KCNQ5: variants seen among roughly 807,000 people sequenced by gnomAD.
KCNQ5 encodes the protein potassium voltage-gated channel subfamily KQT member 5.
A neutral mutation model predicts 98.2 loss-of-function variants in KCNQ5; 30 were observed. The ratio of observed to expected loss-of-function variants is 0.31; its 90% CI spans 0.23 to 0.41. The LOEUF (loss-of-function observed/expected upper bound fraction) is 0.41, where lower values mean the gene tolerates loss of function less well. Among genes scored for constraint, KCNQ5 ranks in the 10% least tolerant of loss-of-function variants. The pLI is 1.00. For missense variants in KCNQ5, 835 were observed against 1,182.5 expected, an observed-to-expected ratio of 0.71 and a Z score of 4.31; for synonymous variants, 458 against 449.4, an observed-to-expected ratio of 1.02 and a Z score of -0.24.
intron 5 of KCNQ5, among the ~76,000 whole-genome samples, chr6:73,097,615 C>A (rs1321299866): frequency 6.6e-6 from 1 of 152,130 alleles, no homozygotes; most frequent in Non-Finnish European, 1.5e-5. Flanking sequence ...ATGGTGGCCA[C>A]AAGGCTGCTT....
At chr6:73,025,525 G>T (rs1404492791) in intron 2 of KCNQ5, among the ~76,000 whole-genome samples, 2 of 151,226 alleles carry the variant, frequency 1.3e-5, no homozygotes, top group Non-Finnish European at 2.9e-5. Context: ...TCAGGAGGCT[G>T]AGGCAGGAGA....
intron 1 of KCNQ5, among the ~76,000 whole-genome samples, chr6:72,686,714 GTTGTTTTT>G (rs1767968527): frequency 8.2e-6 from 1 of 121,648 alleles, no homozygotes; most frequent in Admixed American, 9.2e-5. Context: ...ATCTTTATGG[GTTGTTTTT>G]TTTTTTTTTT....
chr6:73,024,262 A>G (rs1286160448), intron 2 of KCNQ5, among the ~76,000 whole-genome samples: 1 of 152,152 alleles, frequency 6.6e-6, no homozygotes, highest in Non-Finnish European at 1.5e-5. Flanking sequence ...CTGCATCATT[A>G]GGACAGAATG....
At chr6:72,797,951 C>T (rs562130062) in intron 1 of KCNQ5, among the ~76,000 whole-genome samples, 3 of 152,178 alleles carry the variant, frequency 2.0e-5, no homozygotes, top group Admixed American at 1.3e-4. Context: ...AGATGCTAAA[C>T]CAGTCACTGA....
At chr6:72,926,804 A>T (rs1765444718) in intron 1 of KCNQ5, among the ~76,000 whole-genome samples, 1 of 152,164 alleles carries the variant, frequency 6.6e-6, no homozygotes, top group African/African-American at 2.4e-5. Flanking sequence ...GTTTATGTTT[A>T]TTTGATAATA....
intron 1 of KCNQ5, among the ~76,000 whole-genome samples, chr6:72,819,151 T>A (rs1295138087): frequency 6.6e-6 from 1 of 152,006 alleles, no homozygotes; most frequent in Non-Finnish European, 1.5e-5. Flanking sequence ...TTTAATTTTT[T>A]AATTATTTTT....
chr6:72,735,073 T>A (rs971065181), intron 1 of KCNQ5, among the ~76,000 whole-genome samples: 1 of 152,314 alleles, frequency 6.6e-6, no homozygotes, highest in Admixed American at 6.5e-5. Context: ...TTGTGGATAG[T>A]TTAGCAAATA....
intron 1 of KCNQ5, among the ~76,000 whole-genome samples, chr6:72,917,959 T>C (rs72943363): frequency 0.02 from 3,030 of 152,270 alleles, 47 homozygotes; most frequent in South Asian, 0.038. Context: ...TCTTGTAGGA[T>C]GTTTAGCAGC....
At chr6:72,823,020 A>G (rs1048937808) in intron 1 of KCNQ5, among the ~76,000 whole-genome samples, 1 of 152,094 alleles carries the variant, frequency 6.6e-6, no homozygotes, top group South Asian at 2.1e-4. Context: ...CCTTGATCAT[A>G]TAGGATAATC....
chr6:72,813,087 T>C (rs1775322637), intron 1 of KCNQ5, among the ~76,000 whole-genome samples: 1 of 152,204 alleles, frequency 6.6e-6, no homozygotes, highest in East Asian at 1.9e-4. Context: ...ATGCCCCACC[T>C]AGAAATGCTG....
chr6:72,923,005 T>C (rs139525975), intron 1 of KCNQ5, among the ~76,000 whole-genome samples: 2 of 151,976 alleles, frequency 1.3e-5, no homozygotes, highest in African/African-American at 4.8e-5. Context: ...AGAGACGGGG[T>C]TCCACCATGT....
At chr6:73,170,420 CCACACACACACA>C (rs57867720) in intron 11 of KCNQ5, among the ~76,000 whole-genome samples, 97 of 140,922 alleles carry the variant, frequency 6.9e-4, no homozygotes, top group African/African-American at 1.6e-3. Flanking sequence ...ACCTTTCCCA[CCACACACACACA>C]CACACACACA....
At chr6:72,957,667 G>A (rs1767151204) in intron 1 of KCNQ5, among the ~76,000 whole-genome samples, 1 of 152,024 alleles carries the variant, frequency 6.6e-6, no homozygotes. Flanking sequence ...TGTTTTCATC[G>A]AAATGCTAAT....
At chr6:72,992,933 G>T (rs1769114487) in intron 1 of KCNQ5, among the ~76,000 whole-genome samples, 1 of 17,096 alleles carries the variant, frequency 5.8e-5, no homozygotes, top group Non-Finnish European at 9.5e-5. Flanking sequence ...TAGTTTGGCT[G>T]GATATGAAAT....
At chr6:73,043,330 A>C (rs940472807) in intron 3 of KCNQ5, 20 of 177,628 alleles carry the variant, frequency 1.1e-4, no homozygotes, top group Non-Finnish European at 2.6e-5. Flanking sequence ...AATCTATCTT[A>C]AAATACCTTG....
chr6:72,793,071 G>A (rs535238791), intron 1 of KCNQ5, among the ~76,000 whole-genome samples: 2 of 152,166 alleles, frequency 1.3e-5, no homozygotes, highest in Admixed American at 6.6e-5. Flanking sequence ...GAGCACATAG[G>A]AGATACATAT....
chr6:72,827,703 C>T (rs4707999), intron 1 of KCNQ5, among the ~76,000 whole-genome samples: 17,130 of 152,068 alleles, frequency 0.11, 1,555 homozygotes, highest in East Asian at 0.43. Flanking sequence ...GTTGATGTTT[C>T]CTTTGCTGTG....
intron 1 of KCNQ5, among the ~76,000 whole-genome samples, chr6:72,942,893 G>C (rs939883035): frequency 5.9e-5 from 9 of 152,110 alleles, no homozygotes; most frequent in African/African-American, 2.2e-4. Flanking sequence ...CCTTTTTGAA[G>C]TTTGTCTTTC....
chr6:72,981,978 TTATTCCTGAGTTCTA>T (rs1768482807), intron 1 of KCNQ5, among the ~76,000 whole-genome samples: 1 of 152,252 alleles, frequency 6.6e-6, no homozygotes, highest in Non-Finnish European at 1.5e-5. Context: ...AGTGAGTTTC[TTATTCCTGAGTTCTA>T]ATTTGATTGC....
Sources: allele counts gnomAD v4.1 joint callset (sites outside exome capture counted in the v4.1 genomes callset), GRCh38; gene constraint gnomAD v4.1.1; transcripts MANE v1.5; gene names NCBI Gene and HGNC (gene_info 2026-07-23, HGNC 2026-07-21).